MGMT: variants seen among roughly 807,000 people sequenced by gnomAD.
MGMT encodes methylated-DNA--protein-cysteine methyltransferase.
A neutral mutation model predicts 15.9 loss-of-function variants in MGMT; 14 were observed. The observed-to-expected ratio is 0.88, with a 90% CI of 0.58 to 1.37. MGMT has a LOEUF of 1.37. Among genes scored for constraint, MGMT ranks in the 40% most tolerant of loss-of-function variants. The pLI, the probability that MGMT is intolerant of heterozygous loss-of-function variation, is 0.00. For missense variants in MGMT, 282 were observed against 268.1 expected (o/e 1.05, Z -0.36); for synonymous variants, 130 against 118.2 (o/e 1.10, Z -0.65).
chr10:129,678,053 C>G (rs1847805771), intron 2 of MGMT, among the ~76,000 whole-genome samples: 1 of 151,786 alleles, frequency 6.6e-6, no homozygotes, highest in South Asian at 2.1e-4. Flanking sequence ...CTGGCATCGT[C>G]CTTCATCATT....
chr10:129,622,483 A>G (rs889540733), intron 2 of MGMT, among the ~76,000 whole-genome samples: 2 of 152,242 alleles, frequency 1.3e-5, no homozygotes, highest in African/African-American at 2.4e-5. Flanking sequence ...GTATTGAATC[A>G]TGTAAGTATC....
chr10:129,670,349 CT>C (rs1422884490), intron 2 of MGMT, among the ~76,000 whole-genome samples: 1 of 152,102 alleles, frequency 6.6e-6, no homozygotes, highest in Non-Finnish European at 1.5e-5. Context: ...CGAAGTAGTA[CT>C]TTCTCATTTT....
intron 2 of MGMT, among the ~76,000 whole-genome samples, chr10:129,628,681 C>T (rs550050473): frequency 1.3e-5 from 2 of 152,208 alleles, no homozygotes; most frequent in Non-Finnish European, 2.9e-5. Flanking sequence ...GTGTTGGGCT[C>T]AAACGCATCT....
intron 2 of MGMT, among the ~76,000 whole-genome samples, chr10:129,581,695 G>C (rs954879112): frequency 1.3e-5 from 2 of 152,140 alleles, no homozygotes; most frequent in Non-Finnish European, 2.9e-5. Flanking sequence ...AGAGTTCAAG[G>C]CCTCCTAAAG....
chr10:129,519,659 T>G (rs1845782456), intron 1 of MGMT, among the ~76,000 whole-genome samples: 1 of 152,150 alleles, frequency 6.6e-6, no homozygotes, highest in South Asian at 2.1e-4. Context: ...CACTGAGTCA[T>G]AAATCATCCC....
chr10:129,513,542 CCA>C (rs1564839049), intron 1 of MGMT, among the ~76,000 whole-genome samples: 1 of 152,130 alleles, frequency 6.6e-6, no homozygotes, highest in Non-Finnish European at 1.5e-5. Flanking sequence ...GGCCCAGAAT[CCA>C]CAGTGCCAGG....
chr10:129,512,992 C>T (rs1183370603), intron 1 of MGMT, among the ~76,000 whole-genome samples: 1 of 152,178 alleles, frequency 6.6e-6, no homozygotes, highest in Non-Finnish European at 1.5e-5. Context: ...AAAAGGAGAA[C>T]ACACACAAAC....
At chr10:129,543,203 C>T (rs1564847299) in intron 2 of MGMT, among the ~76,000 whole-genome samples, 2 of 152,270 alleles carry the variant, frequency 1.3e-5, no homozygotes, top group East Asian at 3.9e-4. Context: ...GGTGGCAGCT[C>T]TTGGACCTTA....
At chr10:129,490,731 A>C (rs577335035) in intron 1 of MGMT, among the ~76,000 whole-genome samples, 2 of 152,094 alleles carry the variant, frequency 1.3e-5, no homozygotes, top group Non-Finnish European at 2.9e-5. Flanking sequence ...CCATCTTGCT[A>C]TCTGTCTTCT....
intron 2 of MGMT, among the ~76,000 whole-genome samples, chr10:129,644,049 A>G (rs1847358170): frequency 6.6e-6 from 1 of 152,188 alleles, no homozygotes; most frequent in Admixed American, 6.5e-5. Context: ...CTCTCTACAG[A>G]GAGACCTTCC....
At chr10:129,536,503 A>G (rs1845986511) in intron 2 of MGMT, 126 bp downstream of exon 2, 3 of 1,207,234 alleles carry the variant, frequency 2.5e-6, no homozygotes, top group Non-Finnish European at 2.3e-6. Context: ...AACCGCAACC[A>G]CGAGTCCGTC....
At chr10:129,538,899 A>C (rs1180259412) in intron 2 of MGMT, among the ~76,000 whole-genome samples, 2 of 152,074 alleles carry the variant, frequency 1.3e-5, no homozygotes, top group Non-Finnish European at 2.9e-5. Flanking sequence ...CTCCCAAAGT[A>C]CTGGGATTAC....
intron 1 of MGMT, among the ~76,000 whole-genome samples, chr10:129,530,469 G>T (rs1845918493): frequency 6.6e-6 from 1 of 152,208 alleles, no homozygotes; most frequent in Non-Finnish European, 1.5e-5. Context: ...TAGCCCAGTA[G>T]CTCCTGTGTA....
intron 1 of MGMT, among the ~76,000 whole-genome samples, chr10:129,501,861 A>G (rs531924496): frequency 3.2e-4 from 48 of 149,082 alleles, no homozygotes; most frequent in African/African-American, 1.1e-3. Context: ...GTGCAGGAGG[A>G]CTGCCCCGTT....
intron 2 of MGMT, among the ~76,000 whole-genome samples, chr10:129,622,679 G>A (rs978007990): frequency 6.6e-6 from 1 of 152,120 alleles, no homozygotes; most frequent in Non-Finnish European, 1.5e-5. Flanking sequence ...TTGTGTATAT[G>A]TGCTTAACTG....
chr10:129,510,603 A>G (rs1845671161), intron 1 of MGMT, among the ~76,000 whole-genome samples: 1 of 152,210 alleles, frequency 6.6e-6, no homozygotes, highest in African/African-American at 2.4e-5. Context: ...TCTGTAACAG[A>G]TATGTGTCAA....
At chr10:129,568,516 T>C (rs1442594604) in intron 2 of MGMT, among the ~76,000 whole-genome samples, 2 of 152,146 alleles carry the variant, frequency 1.3e-5, no homozygotes, top group African/African-American at 4.8e-5. Flanking sequence ...TGGTCCAAAC[T>C]ATCATAGGAT....
At chr10:129,554,602 C>A (rs1009720958) in intron 2 of MGMT, among the ~76,000 whole-genome samples, 4 of 152,164 alleles carry the variant, frequency 2.6e-5, no homozygotes, top group South Asian at 2.1e-4. Flanking sequence ...GCTTCCTGAG[C>A]AAGCTTGCTT....
At chr10:129,472,648 C>T (rs887950163) in intron 1 of MGMT, among the ~76,000 whole-genome samples, 1 of 152,278 alleles carries the variant, frequency 6.6e-6, no homozygotes, top group African/African-American at 2.4e-5. Flanking sequence ...CTTAACCTTC[C>T]AAGGCCAGAT....
Sources: allele counts gnomAD v4.1 joint callset (sites outside exome capture counted in the v4.1 genomes callset), GRCh38; gene constraint gnomAD v4.1.1; transcripts MANE v1.5; gene names NCBI Gene and HGNC (gene_info 2026-07-23, HGNC 2026-07-21).